Variants in HECW1 observed in about 807,000 individuals in gnomAD.
HECW1 encodes the protein HECT, C2 and WW domain containing E3 ubiquitin protein ligase 1.
HECW1 carries 61 observed loss-of-function variants against 182.3 expected under a neutral mutation model. That is an observed-to-expected ratio of 0.33 (90% CI 0.27 to 0.41). The LOEUF is 0.41. Among genes scored for constraint, HECW1 ranks in the 10% least tolerant of loss-of-function variants. The probability of loss-of-function intolerance (pLI) is 1.00; values close to 1 mark genes in which losing one functional copy is unlikely to be tolerated. For synonymous variants in HECW1, 859 were observed against 832.6 expected (o/e 1.03, Z -0.55); for missense variants, 1,739 against 2,108.9 (o/e 0.82, Z 3.44).
intron 3 of HECW1, among the ~76,000 whole-genome samples, chr7:43,269,123 C>T (rs1397677713): frequency 6.6e-6 from 1 of 152,148 alleles, no homozygotes; most frequent in Non-Finnish European, 1.5e-5. Context: ...GACCATCTAC[C>T]TCTTGACATC....
intron 6 of HECW1, among the ~76,000 whole-genome samples, chr7:43,382,342 T>A (rs1404738335): frequency 6.6e-6 from 1 of 151,572 alleles, no homozygotes; most frequent in African/African-American, 2.4e-5. Context: ...AAAGTGTGTC[T>A]GAGGATGCGG....
At chr7:43,377,738 A>AAC (rs1433253337) in intron 6 of HECW1, 4 of 206,736 alleles carry the variant, frequency 1.9e-5, no homozygotes, top group Non-Finnish European at 4.0e-5. Flanking sequence ...CCAGGGTGTA[A>AAC]AGGCCCTTAT....
chr7:43,468,886 C>T (rs779215076), intron 15 of HECW1, 34 bp from the exon 16 acceptor site: 1 of 1,604,152 alleles, frequency 6.2e-7, no homozygotes, highest in South Asian at 1.1e-5. Flanking sequence ...CCTAATTCCC[C>T]ACTCCTTACC....
intron 8 of HECW1, among the ~76,000 whole-genome samples, chr7:43,434,140 G>A (rs2076636781): frequency 6.6e-6 from 1 of 151,944 alleles, no homozygotes; most frequent in African/African-American, 2.4e-5. Flanking sequence ...CTTAGTAATA[G>A]GACAATCATA....
intron 2 of HECW1, among the ~76,000 whole-genome samples, chr7:43,224,210 T>A (rs757273870): frequency 1.3e-5 from 2 of 152,214 alleles, no homozygotes; most frequent in Non-Finnish European, 2.9e-5. Context: ...CCAAAGAACA[T>A]CGAACTGCAT....
At chr7:43,504,335 C>T (rs1206604377) in intron 21 of HECW1, among the ~76,000 whole-genome samples, 1 of 152,230 alleles carries the variant, frequency 6.6e-6, no homozygotes, top group African/African-American at 2.4e-5. Context: ...CTCCTCTTCT[C>T]TTCCAATGTG....
chr7:43,135,039 T>G (rs958831479), intron 2 of HECW1, among the ~76,000 whole-genome samples: 2 of 152,216 alleles, frequency 1.3e-5, no homozygotes, highest in Admixed American at 1.3e-4. Flanking sequence ...TATTATATTT[T>G]TGTGTATTGA....
At chr7:43,205,183 A>G (rs1795350712) in intron 2 of HECW1, among the ~76,000 whole-genome samples, 1 of 151,798 alleles carries the variant, frequency 6.6e-6, no homozygotes. Context: ...TCTTGGGTTC[A>G]AGAGATTCTC....
intron 3 of HECW1, among the ~76,000 whole-genome samples, chr7:43,271,522 A>G (rs1802407202): frequency 6.6e-6 from 1 of 152,224 alleles, no homozygotes; most frequent in African/African-American, 2.4e-5. Flanking sequence ...GTAGGGTACA[A>G]AATCAATGGA....
At chr7:43,237,891 G>C (rs550221582) in intron 2 of HECW1, among the ~76,000 whole-genome samples, 52 of 151,520 alleles carry the variant, frequency 3.4e-4, no homozygotes, top group African/African-American at 1.1e-3. Flanking sequence ...TAGTCTGCTT[G>C]CATATCCATG....
intron 17 of HECW1, among the ~76,000 whole-genome samples, chr7:43,482,798 G>A (rs947210550): frequency 3.9e-5 from 6 of 152,038 alleles, no homozygotes; most frequent in Admixed American, 6.5e-5. Flanking sequence ...CCAGCTTCTC[G>A]GGAGGCTGAA....
chr7:43,235,104 G>C (rs1476316720), intron 2 of HECW1, among the ~76,000 whole-genome samples: 1 of 152,188 alleles, frequency 6.6e-6, no homozygotes, highest in African/African-American at 2.4e-5. Context: ...CACACCTGGG[G>C]CTGGCCAGGT....
rs11761889 is a variant in HECW1, at chr7:43,405,759, C to G, written c.632-1803C>G. Among the ~76,000 whole-genome samples the G allele has an allele frequency of 2.9e-3, 442 of 152,318 alleles. 2 individuals are homozygous for G. The highest frequency in any genetic ancestry group is 0.01 in the African/African-American group (428 of 41,562). ...CCCGTTCTGGGAAGGTAGGAGCCCT[C>G]CTGAAATCCAGGTTTCTAGACATTA... On this transcript the variant is annotated intron_variant, in intron 7 of 29. Transcript: ENST00000395891.
chr7:43,272,210 T>G (rs1802490322), intron 3 of HECW1, among the ~76,000 whole-genome samples: 1 of 152,074 alleles, frequency 6.6e-6, no homozygotes, highest in South Asian at 2.1e-4. Flanking sequence ...GATTAAAGAT[T>G]TAAATTCTCA....
chr7:43,251,562 C>A (rs1800030217), intron 3 of HECW1, among the ~76,000 whole-genome samples: 1 of 152,130 alleles, frequency 6.6e-6, no homozygotes. Context: ...GTGATCCGCC[C>A]ACCTTGGCCT....
intron 2 of HECW1, among the ~76,000 whole-genome samples, chr7:43,140,078 A>G (rs1267908247): frequency 2.0e-5 from 3 of 152,126 alleles, no homozygotes; most frequent in Admixed American, 1.3e-4. Context: ...TCATCTTTTT[A>G]TTGTTAAATT....
intron 8 of HECW1, among the ~76,000 whole-genome samples, chr7:43,411,888 T>G (rs1237031140): frequency 6.6e-6 from 1 of 152,154 alleles, no homozygotes; most frequent in African/African-American, 2.4e-5. Context: ...CTTAATTTCA[T>G]TTATTACAAT....
intron 5 of HECW1, among the ~76,000 whole-genome samples, chr7:43,332,171 G>A (rs1811581325): frequency 6.6e-6 from 1 of 152,192 alleles, no homozygotes; most frequent in African/African-American, 2.4e-5. Context: ...CTACACAGAT[G>A]TGGTACAGTG....
intron 7 of HECW1, among the ~76,000 whole-genome samples, chr7:43,399,282 T>C (rs2075328565): frequency 1.3e-5 from 2 of 152,218 alleles, no homozygotes; most frequent in Admixed American, 6.5e-5. Flanking sequence ...AGACAGCTTA[T>C]AGGTTAGACG....
Sources: gnomAD v4.1 joint callset for allele counts (sites outside exome capture counted in the v4.1 genomes callset) on GRCh38, gnomAD v4.1.1 for gene constraint, MANE v1.5 for transcripts, NCBI Gene and HGNC (gene_info 2026-07-23, HGNC 2026-07-21) for gene names.